The following CKAP5 variants were observed in gnomAD, a reference collection of about 807,000 sequenced individuals.
CKAP5 encodes cytoskeleton associated protein 5.
Under a neutral mutation model 232.8 loss-of-function variants are expected in CKAP5, and 27 were observed. The ratio of observed to expected loss-of-function variants is 0.12; its 90% CI spans 0.09 to 0.16. The LOEUF (loss-of-function observed/expected upper bound fraction) is 0.16, where lower values mean the gene tolerates loss of function less well. CKAP5 is among the 10% of genes least tolerant of loss of function. The probability of loss-of-function intolerance (pLI) is 1.00; values close to 1 mark genes in which losing one functional copy is unlikely to be tolerated. For synonymous variants in CKAP5, 785 were observed against 841.1 expected (o/e 0.93, Z 1.16); for missense variants, 1,838 against 2,424.7 (o/e 0.76, Z 5.08).
At chr11:46,820,870 C>T (rs991929036) in intron 2 of CKAP5, 3 of 199,324 alleles carry the variant, frequency 1.5e-5, no homozygotes, top group Non-Finnish European at 3.0e-5. Context: ...TTAGTAAGTA[C>T]TTAGGTACCA....
chr11:46,823,508 T>C (rs1217070328), intron 1 of CKAP5, among the ~76,000 whole-genome samples: 1 of 152,228 alleles, frequency 6.6e-6, no homozygotes, highest in Non-Finnish European at 1.5e-5. Context: ...GAATATGATG[T>C]TTAAAGTCTA....
intron 8 of CKAP5, 128 bp from the exon 9 acceptor site, chr11:46,801,432 G>A: frequency 1.6e-6 from 1 of 625,170 alleles, no homozygotes; most frequent in South Asian, 1.7e-5. Flanking sequence ...CACTTTGGGA[G>A]GCCAAGGTGG....
intron 17 of CKAP5, among the ~76,000 whole-genome samples, chr11:46,783,596 TG>T (rs1426721938): frequency 1.7e-4 from 6 of 35,038 alleles, no homozygotes; most frequent in African/African-American, 2.3e-4. Flanking sequence ...TGCATTATAA[TG>T]TTTTTTTTTT....
rs962412189 is a variant in CKAP5 at position 46,795,655 on chromosome 11, T to G, written c.1589A>C (p.Lys530Thr). 6.2e-7 allele frequency: 1 copy of G among 1,614,174 alleles called. No homozygotes were observed. Among genetic ancestry groups the G allele is most frequent in the African/African-American group, 1.3e-5 (1 of 75,050 alleles). The change falls in exon 13 of 44, where the codon AAG (lysine) becomes ACG (threonine). Residue 530 changes from lysine (K) to threonine (T), a missense_variant. Around this residue, in one of 6 missense-constraint regions of CKAP5, gnomAD observed 767 missense variants for 954.6 expected, o/e 0.80. Transcript: ENST00000529230. ...RTAASGAAGD[K>T]DTKDISAPKP... ...GGGTGCAGAAATGTCCTTTGTGTCC[T>G]TATCTCCTGCAGCCCCTGAAGCAGC...
In CKAP5 at chr11:46,759,809, TTA is replaced by T. The variant is rs548745803; in HGVS notation, c.4395-369_4395-368del. 6.4e-4 allele frequency among the ~76,000 whole-genome samples: 98 copies of T among 152,312 alleles called. 1 individual carries two copies. The highest frequency in any genetic ancestry group is 5.3e-3 in the Admixed American group (81 of 15,304). On this transcript the variant is annotated intron_variant, in intron 33 of 43. Coordinates refer to ENST00000529230, the MANE Select transcript of CKAP5 (RefSeq NM_001008938.4). ...TTATGAGCAAATATATAAGAAAAATTTAGACTGGCTGGTTCTTTTCCACCAAA... is the reference window on the plus strand; with the variant it reads ...TTATGAGCAAATATATAAGAAAAATTGACTGGCTGGTTCTTTTCCACCAAA...
intron 42 of CKAP5, among the ~76,000 whole-genome samples, chr11:46,749,611 AAGAG>A (rs934201882): frequency 1.4e-4 from 21 of 152,020 alleles, no homozygotes; most frequent in African/African-American, 4.6e-4. Context: ...AAATAAGAGA[AAGAG>A]AGAAGACAAC....
intron 1 of CKAP5, among the ~76,000 whole-genome samples, chr11:46,830,266 C>A (rs999606940): frequency 1.7e-4 from 26 of 151,600 alleles, no homozygotes; most frequent in Non-Finnish European, 2.8e-4. Flanking sequence ...ACGGTGAAAC[C>A]CCGTCTCTAC....
intron 15 of CKAP5, among the ~76,000 whole-genome samples, chr11:46,789,083 C>A (rs2065423490): frequency 6.6e-6 from 1 of 152,174 alleles, no homozygotes; most frequent in African/African-American, 2.4e-5. Flanking sequence ...TTTTCATTTG[C>A]CTAGTGTGTG....
Position 46,795,615 on chromosome 11 carries a change from T to C in CKAP5, c.1629A>G (p.Leu543=), listed in dbSNP as rs369215987. 11 of 1,613,146 alleles carry C rather than the reference T, an allele frequency of 6.8e-6. No individual in the cohort carries two copies. Among genetic ancestry groups the C allele is most frequent in the African/African-American group, 2.7e-5 (2 of 74,826 alleles). Residue 543 remains leucine, a synonymous_variant, in exon 13 of 44, where the codon CTA becomes CTG. Transcript: ENST00000529230. ...KDISAPKPGP[L]KKAPAAKAGG... ...TAACCTTAGCAGCAGGTGCCTTTTT[T>C]AGAGGTCCTGGTTTGGGTGCAGAAA...
In CKAP5 at chr11:46,797,924, T is replaced by C; in HGVS notation, c.1219A>G (p.Asn407Asp). 1.2e-6 allele frequency: 2 copies of C among 1,614,114 alleles called. No homozygotes were observed. The highest frequency in any genetic ancestry group is 1.7e-6 in the Non-Finnish European group (2 of 1,180,010). Residue 407 changes from asparagine (N) to aspartate (D), a missense_variant, in exon 11 of 44, where the codon AAT (asparagine) becomes GAT (aspartate). This residue lies in a region of CKAP5 where 97 missense variants were observed against 167.7 expected (regional missense o/e 0.58). Coordinates refer to ENST00000529230, the MANE Select transcript of CKAP5 (RefSeq NM_001008938.4). ...ISEDVLAVMD[N>D]KNPTIKQQTS... ...TGCTGCTTGATGGTTGGATTTTTATTATCCATTACTGCTAAAACATCCTCA... is the reference window on the plus strand; with the variant it reads ...TGCTGCTTGATGGTTGGATTTTTATCATCCATTACTGCTAAAACATCCTCA...
intron 2 of CKAP5, among the ~76,000 whole-genome samples, chr11:46,819,210 C>A (rs2134688129): frequency 6.6e-6 from 1 of 152,100 alleles, no homozygotes; most frequent in East Asian, 1.9e-4. Context: ...TGAGCTGAGC[C>A]CTGAAAGATA....
intron 9 of CKAP5, 131 bp downstream of exon 9, chr11:46,801,069 A>G: frequency 1.8e-6 from 1 of 564,478 alleles, no homozygotes; most frequent in Non-Finnish European, 3.2e-6. Context: ...TATTAACAAA[A>G]CAGAGAGAAA....
chr11:46,755,216 T>G (rs1179181154), intron 35 of CKAP5, 149 bp from the exon 36 acceptor site: 1 of 625,696 alleles, frequency 1.6e-6, no homozygotes, highest in African/African-American at 1.9e-5. Context: ...CTTATTTATT[T>G]TATTCATTTA....
At chr11:46,815,926 A>T (rs573158696) in intron 4 of CKAP5, among the ~76,000 whole-genome samples, 3 of 152,288 alleles carry the variant, frequency 2.0e-5, no homozygotes, top group African/African-American at 7.2e-5. Context: ...AACAGCTACC[A>T]AGCGAGAATT....
At chr11:46,754,122 C>G (rs1392784044) in intron 36 of CKAP5, among the ~76,000 whole-genome samples, 1 of 151,802 alleles carries the variant, frequency 6.6e-6, no homozygotes, top group African/African-American at 2.4e-5. Context: ...CTCAGCCTCC[C>G]GAGTAGCTGG....
rs769783730 is a variant in CKAP5, at chr11:46,798,001, T to C, written c.1174-32A>G. 2.5e-6 allele frequency: 4 copies of C among 1,607,432 alleles called. No individual in the cohort carries two copies. The African/African-American group carries it at 5.4e-5, about 22-fold the overall frequency. On this transcript the variant is annotated intron_variant, in intron 10 of 43. Transcript: ENST00000529230. The stretch of plus-strand genomic sequence containing the variant: ...AAAGAAAATGTGGTTAATGAGCTTT[T>C]TTCAATTGTAAAGAACAATCAAAAT...
chr11:46,786,692 G>A (rs1004067866), intron 16 of CKAP5, among the ~76,000 whole-genome samples: 6 of 152,174 alleles, frequency 3.9e-5, no homozygotes, highest in Admixed American at 3.9e-4. Flanking sequence ...AAGGTTATGT[G>A]TATGCCCAGG....
At chr11:46,774,187 A>T (rs2065272386) in intron 24 of CKAP5, among the ~76,000 whole-genome samples, 1 of 152,238 alleles carries the variant, frequency 6.6e-6, no homozygotes, top group Non-Finnish European at 1.5e-5. Flanking sequence ...CAGGATACAA[A>T]ATCAATGTGC....
At chr11:46,831,419 C>T (rs965338244) in intron 1 of CKAP5, among the ~76,000 whole-genome samples, 2 of 152,142 alleles carry the variant, frequency 1.3e-5, no homozygotes, top group African/African-American at 4.8e-5. Flanking sequence ...CATGATATCT[C>T]CTTTGAAAGA....
Sources: allele counts gnomAD v4.1 joint callset (sites outside exome capture counted in the v4.1 genomes callset), GRCh38; gene constraint gnomAD v4.1.1; regional missense constraint gnomAD v4.1.1; transcripts MANE v1.5; gene names NCBI Gene and HGNC (gene_info 2026-07-23, HGNC 2026-07-21).